The following SYT14 variants were observed in gnomAD, a reference collection of about 807,000 sequenced individuals.
The protein encoded by SYT14 is synaptotagmin 14.
A neutral mutation model predicts 74.2 loss-of-function variants in SYT14; 32 were observed. The observed-to-expected ratio is 0.43, with a 90% CI of 0.33 to 0.58. SYT14 has a LOEUF of 0.58. Among genes scored for constraint, SYT14 ranks in the 20% least tolerant of loss-of-function variants. The pLI is 0.05. For missense variants in SYT14, 791 were observed against 981.8 expected, an observed-to-expected ratio of 0.81 and a Z score of 2.60; for synonymous variants, 298 against 337.7, an observed-to-expected ratio of 0.88 and a Z score of 1.29.
At position 210,100,870 on chromosome 1, in the gene SYT14, A is replaced by G. The variant is rs1355800710; in HGVS notation, c.2034+409A>G. Among the ~76,000 whole-genome samples, 6 of 152,234 alleles carry G rather than the reference A, an allele frequency of 3.9e-5. No individual in the cohort carries two copies. In the East Asian group the frequency reaches 1.2e-3, roughly 29 times the overall value. ...TGTTATTTGCTGTATGGCAGAAAGG[A>G]TTTGCCCTTACAGAATATATATACC... is the stretch of plus-strand genomic sequence containing the variant. On this transcript the variant is annotated intron_variant, in intron 7 of 9. Transcript: ENST00000637265.
intron 5 of SYT14, among the ~76,000 whole-genome samples, chr1:210,040,713 A>G (rs1358974875): frequency 2.6e-5 from 4 of 152,138 alleles, no homozygotes; most frequent in Non-Finnish European, 5.9e-5. Flanking sequence ...TTCCAGCAGC[A>G]CTGGTTCCTA....
Position 210,088,754 on chromosome 1 carries a change from T to C in SYT14, c.1313-5568T>C, listed in dbSNP as rs943521874. ...CTTCTTGAAGTGGATTCTTAGACCATTGTTTTTCAGCCTCCCACCTCCCCC... is the reference window on the plus strand; with the variant it reads ...CTTCTTGAAGTGGATTCTTAGACCACTGTTTTTCAGCCTCCCACCTCCCCC... On this transcript the variant is annotated intron_variant, in intron 5 of 9. Coordinates refer to ENST00000637265, the Ensembl canonical transcript of SYT14. Among the ~76,000 whole-genome samples, 6 of 151,982 alleles carry C rather than the reference T, an allele frequency of 3.9e-5. 1 individual carries two copies. Among genetic ancestry groups the C allele is most frequent in the Non-Finnish European group, 8.8e-5 (6 of 67,970 alleles).
chr1:210,000,919 A>G (rs754537833), intron 2 of SYT14, among the ~76,000 whole-genome samples: 1 of 151,978 alleles, frequency 6.6e-6, no homozygotes, highest in Non-Finnish European at 1.5e-5. Flanking sequence ...TGCGTGCCTC[A>G]TAGTTTTCAT....
intron 6 of SYT14, among the ~76,000 whole-genome samples, chr1:210,099,166 G>A (rs1337975337): frequency 6.6e-6 from 1 of 152,128 alleles, no homozygotes; most frequent in Non-Finnish European, 1.5e-5. Flanking sequence ...AAGTGGTATA[G>A]TTGAAAGGTC....
chr1:209,940,029 CAT>C (rs1007477674), intron 1 of SYT14, among the ~76,000 whole-genome samples: 4 of 152,164 alleles, frequency 2.6e-5, no homozygotes, highest in African/African-American at 9.7e-5. Context: ...GAGATACTCT[CAT>C]AAATATTTTC....
chr1:210,122,682 T>C (rs1039150796), intron 7 of SYT14, among the ~76,000 whole-genome samples: 5 of 151,962 alleles, frequency 3.3e-5, no homozygotes, highest in African/African-American at 1.2e-4. Context: ...ACAGACCACA[T>C]GCCACATTCA....
intron 5 of SYT14, among the ~76,000 whole-genome samples, chr1:210,031,135 G>A (rs537583762): frequency 1.5e-5 from 2 of 135,156 alleles, no homozygotes; most frequent in South Asian, 2.4e-4. Flanking sequence ...GTTTCTCCAC[G>A]TTGCCCAGGA....
At chr1:210,002,679 T>C (rs2079922917) in intron 2 of SYT14, among the ~76,000 whole-genome samples, 2 of 152,162 alleles carry the variant, frequency 1.3e-5, no homozygotes, top group Non-Finnish European at 2.9e-5. Context: ...AATTTGAAGT[T>C]TTCTGATACA....
chr1:209,984,679 G>T (rs953750079), intron 2 of SYT14, among the ~76,000 whole-genome samples: 1 of 152,132 alleles, frequency 6.6e-6, no homozygotes, highest in Admixed American at 6.5e-5. Flanking sequence ...TTCTTCTACT[G>T]CTATAAATAC....
intron 2 of SYT14, among the ~76,000 whole-genome samples, chr1:210,005,274 A>T (rs2079969249): frequency 6.6e-6 from 1 of 151,994 alleles, no homozygotes; most frequent in Non-Finnish European, 1.5e-5. Flanking sequence ...ATTTGAGAGG[A>T]AGATGGTGTC....
chr1:210,054,686 C>T (rs899520396), intron 5 of SYT14, among the ~76,000 whole-genome samples: 3 of 152,178 alleles, frequency 2.0e-5, no homozygotes, highest in African/African-American at 7.2e-5. Flanking sequence ...CAGACTCCCA[C>T]ATGTCAGTGT....
At chr1:210,040,515 TA>T (rs879510647) in intron 5 of SYT14, among the ~76,000 whole-genome samples, 194 of 144,156 alleles carry the variant, frequency 1.3e-3, no homozygotes, top group Non-Finnish European at 1.1e-3. Context: ...AAGTGTAATT[TA>T]AAAAAAAAAA....
chr1:210,132,567 T>TATTG (rs1553285171), intron 7 of SYT14, among the ~76,000 whole-genome samples: 3 of 144,998 alleles, frequency 2.1e-5, no homozygotes, highest in East Asian at 4.1e-4. Context: ...ATTTTATATA[T>TATTG]TGTGTGTGTG....
intron 5 of SYT14, among the ~76,000 whole-genome samples, chr1:210,034,609 G>C (rs2080615103): frequency 6.6e-6 from 1 of 151,432 alleles, no homozygotes; most frequent in African/African-American, 2.4e-5. Flanking sequence ...CCACTTTTCT[G>C]AATCTTCAGT....
chr1:210,080,752 G>GTGCA (rs111321730), intron 5 of SYT14, among the ~76,000 whole-genome samples: 1,691 of 152,274 alleles, frequency 0.011, 41 homozygotes, highest in African/African-American at 0.038. Context: ...TGTTAACATA[G>GTGCA]TGCAATACAT....
rs186319229 is a variant in SYT14, at chr1:210,141,156, G to A, written c.2035-14565G>A. Among the ~76,000 whole-genome samples the A allele has an allele frequency of 9.9e-5, 15 of 151,386 alleles. No homozygotes were observed. In the East Asian group the frequency reaches 2.9e-3, roughly 29 times the overall value. ...CTGTCTTAACAATTTAAGTCTTCCA[G>A]TCCATTAGCATGAGATGTCTTTTCA... is the stretch of plus-strand genomic sequence containing the variant. On this transcript the variant is annotated intron_variant, in intron 7 of 9. Coordinates refer to ENST00000637265, the Ensembl canonical transcript of SYT14.
chr1:209,964,281 T>C (rs2079121088), intron 2 of SYT14, among the ~76,000 whole-genome samples: 1 of 152,214 alleles, frequency 6.6e-6, no homozygotes, highest in Non-Finnish European at 1.5e-5. Flanking sequence ...TTAAGTTTCC[T>C]GAGGCCTTCC....
intron 8 of SYT14, chr1:210,156,743 G>C (rs1437424157): frequency 4.4e-5 from 6 of 136,218 alleles, no homozygotes; most frequent in African/African-American, 1.4e-4. Context: ...GCCTAGGCTG[G>C]AGTGCAATAG....
chr1:210,054,693 G>A (rs2081064152), intron 5 of SYT14, among the ~76,000 whole-genome samples: 1 of 152,148 alleles, frequency 6.6e-6, no homozygotes. Flanking sequence ...CCACATGTCA[G>A]TGTTTATAAC....
Sources: allele counts gnomAD v4.1 joint callset (sites outside exome capture counted in the v4.1 genomes callset), GRCh38; gene constraint gnomAD v4.1.1; transcripts MANE v1.5; gene names NCBI Gene and HGNC (gene_info 2026-07-23, HGNC 2026-07-21).